The following DMD variants were observed in gnomAD, a reference collection of about 807,000 sequenced individuals.
DMD encodes the protein dystrophin, also known as mutant dystrophin.
A neutral mutation model predicts 330.1 loss-of-function variants in DMD; 63 were observed. The ratio of observed to expected loss-of-function variants is 0.19; its 90% confidence interval spans 0.16 to 0.24. The LOEUF (loss-of-function observed/expected upper bound fraction) is 0.24, where lower values mean the gene tolerates loss of function less well. DMD is among the 10% of genes least tolerant of loss of function. DMD has a pLI of 1.00. For missense variants in DMD, 3,344 were observed against 2,684.1 expected, an observed-to-expected ratio of 1.25 and a Z score of -5.43; for synonymous variants, 1,223 against 959.8, an observed-to-expected ratio of 1.27 and a Z score of -5.07.
At chrX:32,726,094 A>T (rs1237675278) in intron 7 of DMD, among the ~76,000 whole-genome samples, 1 of 111,603 alleles carries the variant, frequency 9.0e-6, no homozygotes, top group Non-Finnish European at 1.9e-5. Flanking sequence ...TATATATGTT[A>T]CAAATTTATT....
intron 54 of DMD, among the ~76,000 whole-genome samples, chrX:31,639,249 T>C (rs1333079227): frequency 1.8e-5 from 2 of 111,560 alleles, no homozygotes; most frequent in African/African-American, 6.5e-5. Flanking sequence ...AGTGTTACTA[T>C]AATAGCATTC....
At chrX:32,079,159 T>C (rs1035066412) in intron 44 of DMD, among the ~76,000 whole-genome samples, 2 of 112,262 alleles carry the variant, frequency 1.8e-5, no homozygotes, top group East Asian at 5.6e-4. Flanking sequence ...CTCTTGTTAA[T>C]CTGTCTTTTG....
At chrX:32,990,722 CA>C (rs1569547527) in intron 2 of DMD, among the ~76,000 whole-genome samples, 1 of 111,564 alleles carries the variant, frequency 9.0e-6, no homozygotes, top group Non-Finnish European at 1.9e-5. Flanking sequence ...ACACCCCTCT[CA>C]CCTGGAGAGT....
intron 7 of DMD, among the ~76,000 whole-genome samples, chrX:32,714,233 T>G (rs757879795): frequency 9.0e-6 from 1 of 111,512 alleles, no homozygotes; most frequent in African/African-American, 3.3e-5. Context: ...ATATGTTGTG[T>G]AGTGATCAAG....
intron 45 of DMD, among the ~76,000 whole-genome samples, chrX:31,943,762 G>A (rs1315723563): frequency 9.1e-6 from 1 of 109,904 alleles, no homozygotes; most frequent in Non-Finnish European, 1.9e-5. Context: ...AATTCCTCGT[G>A]GTAGTAATTC....
Position 32,012,410 on chromosome X carries a change from T to C in DMD, c.6439-43896A>G, listed in dbSNP as rs146404864. On this transcript the variant is annotated intron_variant, in intron 44 of 78. Coordinates refer to ENST00000357033, the MANE Select transcript of DMD (RefSeq NM_004006.3). Reference sequence around the variant, plus strand: ...CAATTTCACTGCACTTCTCTTCCATTATTGTGCCTCAGTCACCCCCTAGGT... The same window carrying C: ...CAATTTCACTGCACTTCTCTTCCATCATTGTGCCTCAGTCACCCCCTAGGT... 2.4e-3 allele frequency among the ~76,000 whole-genome samples: 270 copies of C among 111,873 alleles called. 1 individual carries two copies. Among genetic ancestry groups the C allele is most frequent in the African/African-American group, 8.2e-3 (254 of 30,817 alleles).
chrX:33,062,810 T>C lies in DMD; in HGVS notation c.32-42610A>G, dbSNP rs746312256. 6.0e-4 allele frequency among the ~76,000 whole-genome samples: 68 copies of C among 112,546 alleles called. 1 individual carries two copies. The highest frequency in any genetic ancestry group is 2.1e-3 in the African/African-American group (65 of 31,032). ...ATTTTTAGAAAGGTAGCAACTTCTT[T>C]CCCCACATGACATTAAGTTTTTTAT... On this transcript the variant is annotated intron_variant, in intron 1 of 78. Coordinates refer to ENST00000357033, the MANE Select transcript of DMD (RefSeq NM_004006.3).
rs187237398 is a variant in DMD, at chrX:33,080,229, G to T, written c.32-60029C>A. Among the ~76,000 whole-genome samples the T allele has an allele frequency of 1.4e-4, 16 of 111,664 alleles. No homozygotes were observed. The East Asian group carries it at 4.5e-3, about 32-fold the overall frequency. ...TATGACTTTAATATTTTAACCTATA[G>T]AAAAAGCTAAATAACCTTTTTCAAA... is the stretch of plus-strand genomic sequence containing the variant. On this transcript the variant is annotated intron_variant, in intron 1 of 78. Transcript: ENST00000357033.
intron 55 of DMD, among the ~76,000 whole-genome samples, chrX:31,551,372 G>A (rs1326019303): frequency 9.1e-6 from 1 of 110,273 alleles, no homozygotes; most frequent in Non-Finnish European, 1.9e-5. Flanking sequence ...TTAATACCCT[G>A]TCACTTTGGG....
intron 51 of DMD, among the ~76,000 whole-genome samples, chrX:31,736,586 G>T (rs2086890540): frequency 8.9e-6 from 1 of 111,827 alleles, no homozygotes; most frequent in South Asian, 3.7e-4. Context: ...TTACTAAACT[G>T]CAACTATTTG....
intron 1 of DMD, among the ~76,000 whole-genome samples, chrX:33,044,732 C>A (rs1244354466): frequency 9.0e-6 from 1 of 111,606 alleles, no homozygotes; most frequent in Non-Finnish European, 1.9e-5. Flanking sequence ...CTTAAACAAT[C>A]CAGAGCTGAA....
chrX:32,756,992 A>T (rs984780244), intron 7 of DMD, among the ~76,000 whole-genome samples: 6 of 111,618 alleles, frequency 5.4e-5, no homozygotes, highest in Non-Finnish European at 1.1e-4. Context: ...GTCAGCAAGA[A>T]ATTCCCTACA....
At chrX:32,549,397 T>C (rs780763298) in intron 16 of DMD, among the ~76,000 whole-genome samples, 3 of 111,917 alleles carry the variant, frequency 2.7e-5, no homozygotes, top group Non-Finnish European at 3.8e-5. Context: ...CCATGCTTGT[T>C]TTCAAGCTCT....
At chrX:31,897,119 G>A (rs1358554211) in intron 47 of DMD, among the ~76,000 whole-genome samples, 1 of 102,424 alleles carries the variant, frequency 9.8e-6, no homozygotes, top group Non-Finnish European at 2.0e-5. Flanking sequence ...TCCCCTTCCT[G>A]TGTCCATGTG....
chrX:33,272,094 G>A (rs962222949), intron 1 of DMD, among the ~76,000 whole-genome samples: 1 of 111,401 alleles, frequency 9.0e-6, no homozygotes, highest in African/African-American at 3.3e-5. Flanking sequence ...ATGTTGGCCA[G>A]GCTGGTCTCA....
intron 43 of DMD, among the ~76,000 whole-genome samples, chrX:32,258,525 A>C (rs971516288): frequency 9.0e-6 from 1 of 110,907 alleles, no homozygotes; most frequent in African/African-American, 3.3e-5. Flanking sequence ...GACATGGATG[A>C]AGCTGGAAAC....
intron 11 of DMD, among the ~76,000 whole-genome samples, chrX:32,620,757 A>C (rs1337458578): frequency 8.9e-6 from 1 of 111,913 alleles, no homozygotes; most frequent in Non-Finnish European, 1.9e-5. Context: ...AATTTCAAGT[A>C]GCTTAGAGAC....
chrX:31,481,032 C>T (rs770061130), intron 57 of DMD, among the ~76,000 whole-genome samples: 39 of 112,229 alleles, frequency 3.5e-4, no homozygotes, highest in African/African-American at 1.2e-3. Context: ...AATGCAAGTG[C>T]AGAGTCATAG....
intron 63 of DMD, among the ~76,000 whole-genome samples, chrX:31,244,423 T>C (rs2048641038): frequency 8.9e-6 from 1 of 112,183 alleles, no homozygotes; most frequent in South Asian, 3.7e-4. Context: ...TATACATAAG[T>C]AGCTTGTTGG....
Sources: allele counts gnomAD v4.1 joint callset (sites outside exome capture counted in the v4.1 genomes callset), GRCh38; gene constraint gnomAD v4.1.1; transcripts MANE v1.5; gene names NCBI Gene and HGNC (gene_info 2026-07-23, HGNC 2026-07-21).